DYNC2I2: variants seen among roughly 807,000 people sequenced by gnomAD.
DYNC2I2 encodes the protein dynein 2 intermediate chain 2, also known as cytoplasmic dynein 2 intermediate chain 2.
Under a neutral mutation model 52.0 loss-of-function variants are expected in DYNC2I2, and 39 were observed. That is an observed-to-expected ratio of 0.75 (90% CI 0.58 to 0.98). DYNC2I2 has a LOEUF of 0.98. DYNC2I2 is among the 50% of genes least tolerant of loss of function. The pLI is 0.00. For missense variants in DYNC2I2, 743 were observed against 728.4 expected (o/e 1.02, Z -0.23); for synonymous variants, 359 against 321.1 (o/e 1.12, Z -1.26).
chr9:128,683,608 G>A, the DYNC2I2 span: 1 of 345,450 alleles, frequency 2.9e-6, no homozygotes, highest in South Asian at 5.6e-5. Flanking sequence ...GAAAGCACAG[G>A]GATCCTCTCC....
the DYNC2I2 span, among the ~76,000 whole-genome samples, chr9:128,673,806 ATTT>A: frequency 1.7e-5 from 2 of 115,700 alleles, no homozygotes; most frequent in Admixed American, 9.1e-5. Flanking sequence ...GCACCCAGCT[ATTT>A]TTTTTTTTTT....
Position 128,634,844 on chromosome 9 carries a change from G to C in DYNC2I2, c.1059C>G (p.Gly353=), listed in dbSNP as rs1318735937. Residue 353 remains glycine, a synonymous_variant, in exon 7 of 9, where the codon GGC becomes GGG. Coordinates refer to ENST00000372715, the MANE Select transcript of DYNC2I2 (RefSeq NM_052844.4). Reference sequence around the variant, plus strand: ...ACTTGAGCGGGAAGCCGCCTTCCGTGCCCAGAATGAACAGCCTAGGGTCAA... The same window carrying C: ...ACTTGAGCGGGAAGCCGCCTTCCGTCCCCAGAATGAACAGCCTAGGGTCAA... ...SSFDPRLFIL[G]TEGGFPLKCS... 3.1e-6 allele frequency: 5 copies of C among 1,613,552 alleles called. No homozygotes were observed. The highest frequency in any genetic ancestry group is 4.2e-6 in the Non-Finnish European group (5 of 1,179,962).
Position 128,656,783 on chromosome 9 carries a change from C to G in DYNC2I2, c.-57G>C. ...CTCAGGCGCGACCTCCGCCCCTACGCCGCCATGAGCGGAAAACGGGGAATG... is the reference window on the plus strand; with the variant it reads ...CTCAGGCGCGACCTCCGCCCCTACGGCGCCATGAGCGGAAAACGGGGAATG... On this transcript the variant is annotated 5_prime_UTR_variant, in exon 1 of 9. Transcript: ENST00000372715. 7.6e-7 allele frequency: 1 copy of G among 1,309,560 alleles called. No homozygotes were observed. Among genetic ancestry groups the G allele is most frequent in the Non-Finnish European group, 9.7e-7 (1 of 1,026,884 alleles). The allele number at this position is 1,309,560 out of a possible 1,614,324, so 81.1% of individuals were successfully genotyped here.
intron 5 of DYNC2I2, 137 bp from the exon 6 acceptor site, chr9:128,635,396 G>A: frequency 1.7e-6 from 2 of 1,159,762 alleles, no homozygotes; most frequent in South Asian, 1.6e-5. Flanking sequence ...CACCCACCAG[G>A]GGGCAGGCCT....
At chr9:128,648,469 A>G (rs1461436183) in intron 1 of DYNC2I2, among the ~76,000 whole-genome samples, 3 of 151,780 alleles carry the variant, frequency 2.0e-5, no homozygotes, top group African/African-American at 7.3e-5. Flanking sequence ...GGGCCCGACC[A>G]AGCCAGGCCC....
chr9:128,634,540 C>A, intron 7 of DYNC2I2, 149 bp downstream of exon 7: 2 of 1,271,138 alleles, frequency 1.6e-6, no homozygotes, highest in South Asian at 3.1e-5. Flanking sequence ...AGGGACGATG[C>A]CTGGGCCAAC....
chr9:128,680,533 A>G, the DYNC2I2 span, among the ~76,000 whole-genome samples: 2 of 150,356 alleles, frequency 1.3e-5, no homozygotes, highest in Non-Finnish European at 2.9e-5. Flanking sequence ...GCCCGCCACC[A>G]TGCTCGGCTA....
chr9:128,647,116 ACT>A (rs1347308431), intron 1 of DYNC2I2, among the ~76,000 whole-genome samples: 7 of 152,050 alleles, frequency 4.6e-5, no homozygotes, highest in African/African-American at 7.2e-5. Flanking sequence ...CAAGGGCGAA[ACT>A]CTGTCTCAAA....
rs1860705823 is a variant in DYNC2I2, at chr9:128,650,898, T to C, written c.186+5643A>G. On this transcript the variant is annotated intron_variant, in intron 1 of 8. Transcript: ENST00000372715. ...AAAGCACCAGGCAGCAGTGGCGCAG[T>C]AGTCACCATGACGGCTAAGGGGCTG... is the stretch of plus-strand genomic sequence containing the variant. 2 of 58,318 alleles carry C rather than the reference T, an allele frequency of 3.4e-5. 1 individual carries two copies. Among genetic ancestry groups the C allele is most frequent in the South Asian group, 1.0e-3 (2 of 1,916 alleles). The allele number at this position is 58,318 out of a possible 1,614,324, so 3.6% of individuals were successfully genotyped here.
chr9:128,683,712 T>G, the DYNC2I2 span: 4 of 459,972 alleles, frequency 8.7e-6, no homozygotes, highest in African/African-American at 4.2e-5. Context: ...GATTGGAGGG[T>G]GGGTGGGATG....
At chr9:128,669,228 G>C in the DYNC2I2 span, among the ~76,000 whole-genome samples, 1 of 152,034 alleles carries the variant, frequency 6.6e-6, no homozygotes, top group Admixed American at 6.6e-5. Flanking sequence ...AGCCAGGCGT[G>C]GTGGCATGCG....
Position 128,634,384 on chromosome 9 carries a change from C to T in DYNC2I2, c.1215-1G>A. On this transcript the variant is annotated splice_acceptor_variant, in intron 7 of 8. Coordinates refer to ENST00000372715, the MANE Select transcript of DYNC2I2 (RefSeq NM_052844.4). LOFTEE classifies it high-confidence loss of function. Reference sequence around the variant, plus strand: ...AGTCCCAGCGCTCAGGAAGAGATTCCTAGACGGGATGCAGGGGGCCAGGCA... The same window carrying T: ...AGTCCCAGCGCTCAGGAAGAGATTCTTAGACGGGATGCAGGGGGCCAGGCA... 6.3e-7 allele frequency: 1 copy of T among 1,577,450 alleles called. No individual in the cohort carries two copies. The highest frequency in any genetic ancestry group is 8.6e-7 in the Non-Finnish European group (1 of 1,162,696).
chr9:128,676,839 G>GTTTTTTTT, the DYNC2I2 span, among the ~76,000 whole-genome samples: 1 of 144,262 alleles, frequency 6.9e-6, no homozygotes, highest in African/African-American at 2.5e-5. Context: ...GGCCCCAGCT[G>GTTTTTTTT]TTTTTTTTTT....
At chr9:128,665,534 C>G in the DYNC2I2 span, among the ~76,000 whole-genome samples, 1 of 152,010 alleles carries the variant, frequency 6.6e-6, no homozygotes, top group South Asian at 2.1e-4. Flanking sequence ...CATTAAGAGG[C>G]TGAGGCAGGT....
Position 128,644,892 on chromosome 9 carries a change from C to T in DYNC2I2, c.187-3953G>A, listed in dbSNP as rs1181821971. On this transcript the variant is annotated intron_variant, in intron 1 of 8. Coordinates refer to ENST00000372715, the MANE Select transcript of DYNC2I2 (RefSeq NM_052844.4). The stretch of plus-strand genomic sequence containing the variant: ...CTGATTTGTGATCAGTGATCTTTTA[C>T]GTTACTACAGTAATTGTTTTGCAGC... Among the ~76,000 whole-genome samples the T allele has an allele frequency of 3.9e-5, 6 of 152,164 alleles. No homozygotes were observed. In the East Asian group the frequency reaches 9.6e-4, roughly 24 times the overall value.
chr9:128,652,249 T>A (rs1380560186), intron 1 of DYNC2I2: 1 of 150,330 alleles, frequency 6.7e-6, no homozygotes, highest in African/African-American at 2.5e-5. Context: ...CTGGCCAACA[T>A]GGTGAAACTT....
chr9:128,649,506 T>G (rs938018484), intron 1 of DYNC2I2, among the ~76,000 whole-genome samples: 3 of 146,708 alleles, frequency 2.0e-5, no homozygotes, highest in African/African-American at 7.5e-5. Flanking sequence ...CTGGCCAACA[T>G]GGTGAAACCC....
At position 128,633,686 on chromosome 9, in the gene DYNC2I2, T is replaced by C. The variant is rs906000975; in HGVS notation, c.*58A>G. ...AAGCTTTGCTTTTCTTCATTTGGCT[T>C]GCGTCAGAAACACAAGGCTCGGCAC... is the stretch of plus-strand genomic sequence containing the variant. On this transcript the variant is annotated 3_prime_UTR_variant, in exon 9 of 9. Coordinates refer to ENST00000372715, the MANE Select transcript of DYNC2I2 (RefSeq NM_052844.4). The C allele has an allele frequency of 6.5e-7, 1 of 1,543,622 alleles. No individual in the cohort carries two copies. Among genetic ancestry groups the C allele is most frequent in the African/African-American group, 1.4e-5 (1 of 72,618 alleles).
the DYNC2I2 span, among the ~76,000 whole-genome samples, chr9:128,683,044 G>T: frequency 6.6e-6 from 1 of 150,728 alleles, no homozygotes; most frequent in African/African-American, 2.4e-5. Context: ...GCCTAGGCTG[G>T]AGTGCAGTGG....
Sources: allele counts gnomAD v4.1 joint callset (sites outside exome capture counted in the v4.1 genomes callset), GRCh38; gene constraint gnomAD v4.1.1; transcripts MANE v1.5; gene names NCBI Gene and HGNC (gene_info 2026-07-23, HGNC 2026-07-21).